Variants in ARHGAP44 observed in about 807,000 individuals in gnomAD.
ARHGAP44 encodes the protein rho GTPase-activating protein 44.
In ARHGAP44, 43 loss-of-function variants were observed where a neutral mutation model predicts 106.8. The ratio of observed to expected loss-of-function variants is 0.40; its 90% CI spans 0.32 to 0.52. The LOEUF is 0.52. Among genes scored for constraint, ARHGAP44 ranks in the 20% least tolerant of loss-of-function variants. ARHGAP44 has a pLI of 0.48. For missense variants in ARHGAP44, 866 were observed against 1,050.5 expected (o/e 0.82, Z 2.43); for synonymous variants, 439 against 410.3 (o/e 1.07, Z -0.85).
chr17:12,944,271 C>T, intron 10 of ARHGAP44, 75 bp downstream of exon 10: 5 of 1,468,648 alleles, frequency 3.4e-6, no homozygotes, highest in Non-Finnish European at 4.5e-6. Context: ...AGGATCCTCT[C>T]TCCTGTACCA....
At chr17:12,840,793 C>A (rs1039695601) in intron 1 of ARHGAP44, among the ~76,000 whole-genome samples, 1 of 152,206 alleles carries the variant, frequency 6.6e-6, no homozygotes, top group African/African-American at 2.4e-5. Flanking sequence ...AGTAGACAAG[C>A]AAATTCTGGT....
At chr17:12,839,133 C>T (rs1262564475) in intron 1 of ARHGAP44, among the ~76,000 whole-genome samples, 2 of 152,180 alleles carry the variant, frequency 1.3e-5, no homozygotes, top group African/African-American at 4.8e-5. Context: ...CACTGCTAGA[C>T]TGTTTATTCA....
intron 1 of ARHGAP44, among the ~76,000 whole-genome samples, chr17:12,858,057 A>G (rs8082029): frequency 0.55 from 82,885 of 151,898 alleles, 25,409 homozygotes; most frequent in Non-Finnish European, 0.66. Flanking sequence ...ATTTTGAGAT[A>G]CCAGCATTTA....
intron 1 of ARHGAP44, among the ~76,000 whole-genome samples, chr17:12,822,511 A>G (rs113206259): frequency 6.6e-6 from 1 of 152,114 alleles, no homozygotes; most frequent in African/African-American, 2.4e-5. Flanking sequence ...CAAGAGGTCT[A>G]TGAAGCATAA....
chr17:12,876,232 A>AAAGG (rs1309790229), intron 1 of ARHGAP44, among the ~76,000 whole-genome samples: 1 of 152,080 alleles, frequency 6.6e-6, no homozygotes, highest in Non-Finnish European at 1.5e-5. Flanking sequence ...AAAATTATTA[A>AAAGG]AAGCATCCAA....
Position 12,920,203 on chromosome 17 carries a change from G to A in ARHGAP44, c.464+372G>A, listed in dbSNP as rs2038036005. ...ATCCTGGCTAACATGGTGAAACCCT[G>A]TCTCTACTAAAAATACAAAAAAATT... On this transcript the variant is annotated intron_variant, in intron 6 of 20. Coordinates refer to ENST00000379672, the MANE Select transcript of ARHGAP44 (RefSeq NM_014859.6). Among the ~76,000 whole-genome samples, 3 of 152,004 alleles carry A rather than the reference G, an allele frequency of 2.0e-5. No individual in the cohort carries two copies. The East Asian group carries it at 5.8e-4, about 30-fold the overall frequency.
At chr17:12,839,282 C>T (rs1024202201) in intron 1 of ARHGAP44, among the ~76,000 whole-genome samples, 14 of 152,126 alleles carry the variant, frequency 9.2e-5, no homozygotes, top group African/African-American at 2.9e-4. Flanking sequence ...TGTGGGCCTG[C>T]CCCTTTGAGG....
chr17:12,800,072 C>T (rs2034042181), intron 1 of ARHGAP44, among the ~76,000 whole-genome samples: 1 of 152,180 alleles, frequency 6.6e-6, no homozygotes, highest in South Asian at 2.1e-4. Context: ...AATATCATAT[C>T]CTTAGAATAA....
chr17:12,802,263 C>T (rs912089034), intron 1 of ARHGAP44, among the ~76,000 whole-genome samples: 1 of 152,140 alleles, frequency 6.6e-6, no homozygotes, highest in Non-Finnish European at 1.5e-5. Context: ...GAAATAGACT[C>T]TAGCTAATTT....
intron 1 of ARHGAP44, among the ~76,000 whole-genome samples, chr17:12,859,177 C>T (rs867961841): frequency 5.9e-5 from 9 of 152,142 alleles, no homozygotes; most frequent in South Asian, 2.1e-4. Context: ...GAGAAGATGA[C>T]GTGACAACAT....
chr17:12,885,327 GTGTGT>G (rs1567667967), intron 1 of ARHGAP44, among the ~76,000 whole-genome samples: 21 of 100,472 alleles, frequency 2.1e-4, no homozygotes, highest in African/African-American at 1.7e-3. Flanking sequence ...CAGAGTAGGT[GTGTGT>G]GTGTGTGTGT....
intron 1 of ARHGAP44, among the ~76,000 whole-genome samples, chr17:12,824,740 A>G (rs146156643): frequency 1.2e-3 from 185 of 152,016 alleles, no homozygotes; most frequent in South Asian, 6.2e-3. Flanking sequence ...CTAAGGTTCT[A>G]CACAGCCTGG....
At chr17:12,797,130 T>G (rs970010450) in intron 1 of ARHGAP44, among the ~76,000 whole-genome samples, 3 of 152,218 alleles carry the variant, frequency 2.0e-5, no homozygotes, top group Non-Finnish European at 4.4e-5. Context: ...CTTTTGGCCG[T>G]GTATAAATTT....
At chr17:12,966,523 G>T (rs1483860541) in intron 16 of ARHGAP44, among the ~76,000 whole-genome samples, 1 of 152,228 alleles carries the variant, frequency 6.6e-6, no homozygotes, top group Non-Finnish European at 1.5e-5. Context: ...CTCACTGGGT[G>T]TGTGTAGGCC....
intron 1 of ARHGAP44, among the ~76,000 whole-genome samples, chr17:12,802,182 G>T (rs921735645): frequency 3.3e-5 from 5 of 152,174 alleles, no homozygotes; most frequent in South Asian, 2.1e-4. Flanking sequence ...TTGAGACTTG[G>T]TCTGTATGAC....
At chr17:12,943,165 C>T (rs2038752476) in intron 8 of ARHGAP44, among the ~76,000 whole-genome samples, 1 of 152,212 alleles carries the variant, frequency 6.6e-6, no homozygotes, top group East Asian at 1.9e-4. Flanking sequence ...CCTCAGTCTC[C>T]TGAGTAGCTG....
intron 1 of ARHGAP44, among the ~76,000 whole-genome samples, chr17:12,871,715 G>A (rs2036412625): frequency 6.6e-6 from 1 of 152,084 alleles, no homozygotes; most frequent in Admixed American, 6.5e-5. Context: ...AACCATACCA[G>A]TACTGTTCTT....
At chr17:12,963,391 A>T (rs1247062177) in intron 16 of ARHGAP44, among the ~76,000 whole-genome samples, 1 of 152,176 alleles carries the variant, frequency 6.6e-6, no homozygotes, top group Non-Finnish European at 1.5e-5. Flanking sequence ...CCTACATGGA[A>T]ATCCAAGCAG....
At position 12,984,615 on chromosome 17, in the gene ARHGAP44, C is replaced by T; in HGVS notation, c.2024C>T (p.Ser675Phe). Residue 675 changes from serine (S) to phenylalanine (F), a missense_variant, in exon 20 of 21, where the codon TCC becomes TTC. Around this residue, in one of 2 missense-constraint regions of ARHGAP44, gnomAD observed 418 missense variants for 403.6 expected, o/e 1.04. Coordinates refer to ENST00000379672, the MANE Select transcript of ARHGAP44 (RefSeq NM_014859.6). ...AMADQSAGQP[S>F]PVSLSPTPPS... ...GCAGACCAGTCCGCTGGCCAGCCGTCCCCAGTCAGCCTGTCCCCCACCCCG... is the reference window on the plus strand; with the variant it reads ...GCAGACCAGTCCGCTGGCCAGCCGTTCCCAGTCAGCCTGTCCCCCACCCCG... The T allele has an allele frequency of 6.2e-7, 1 of 1,610,694 alleles. No homozygotes were observed. The highest frequency in any genetic ancestry group is 8.5e-7 in the Non-Finnish European group (1 of 1,178,760).
Sources: allele counts gnomAD v4.1 joint callset (sites outside exome capture counted in the v4.1 genomes callset), GRCh38; gene constraint gnomAD v4.1.1; regional missense constraint gnomAD v4.1.1; transcripts MANE v1.5; gene names NCBI Gene and HGNC (gene_info 2026-07-23, HGNC 2026-07-21).